Variants in CDH20 observed in about 807,000 individuals in gnomAD.
CDH20 encodes cadherin-20.
A neutral mutation model predicts 74.2 loss-of-function variants in CDH20; 29 were observed. The ratio of observed to expected loss-of-function variants is 0.39; its 90% CI spans 0.29 to 0.53. CDH20 has a LOEUF of 0.53. CDH20 is among the 20% of genes least tolerant of loss of function. The probability of loss-of-function intolerance (pLI) is 0.69; values close to 1 mark genes in which losing one functional copy is unlikely to be tolerated. For synonymous variants in CDH20, 469 were observed against 405.4 expected (o/e 1.16, Z -1.88); for missense variants, 988 against 1,048.3 (o/e 0.94, Z 0.79).
chr18:61,471,050 A>ATAT (rs1180263604), intron 1 of CDH20, among the ~76,000 whole-genome samples: 1 of 152,186 alleles, frequency 6.6e-6, no homozygotes, highest in Non-Finnish European at 1.5e-5. Context: ...TGAAAGAAAT[A>ATAT]TATTATATTA....
chr18:61,345,219 T>A (rs772422074), intron 1 of CDH20, among the ~76,000 whole-genome samples: 6 of 152,232 alleles, frequency 3.9e-5, no homozygotes, highest in Non-Finnish European at 7.3e-5. Flanking sequence ...TCACATGCAC[T>A]TAAACGTTTA....
intron 11 of CDH20, among the ~76,000 whole-genome samples, chr18:61,552,317 A>G (rs1251304310): frequency 6.6e-6 from 1 of 151,882 alleles, no homozygotes. Flanking sequence ...GCTGAATAAG[A>G]CCATTTTCCT....
chr18:61,376,614 A>G (rs1398014612), intron 1 of CDH20, among the ~76,000 whole-genome samples: 7 of 152,202 alleles, frequency 4.6e-5, no homozygotes, highest in Non-Finnish European at 8.8e-5. Flanking sequence ...GAAAATAAAA[A>G]GAGAAAATAA....
At chr18:61,340,226 C>CTTTTTTTTTTTT (rs59628153) in intron 1 of CDH20, among the ~76,000 whole-genome samples, 4,903 of 119,668 alleles carry the variant, frequency 0.041, 337 homozygotes, top group African/African-American at 0.12. Flanking sequence ...CTTCAGCCTT[C>CTTTTTTTTTTTT]TTTTTTTTTT....
chr18:61,489,967 T>C (rs949674471), intron 1 of CDH20, among the ~76,000 whole-genome samples: 11 of 152,198 alleles, frequency 7.2e-5, no homozygotes, highest in Admixed American at 5.2e-4. Flanking sequence ...TTTACTATTT[T>C]TTTAATAAGC....
At chr18:61,488,081 C>T (rs1321189722) in intron 1 of CDH20, among the ~76,000 whole-genome samples, 3 of 148,796 alleles carry the variant, frequency 2.0e-5, no homozygotes, top group Non-Finnish European at 3.0e-5. Context: ...TACGTACATA[C>T]ATATATATAT....
intron 1 of CDH20, among the ~76,000 whole-genome samples, chr18:61,481,772 T>C (rs1910597099): frequency 6.6e-6 from 1 of 152,138 alleles, no homozygotes; most frequent in Admixed American, 6.5e-5. Flanking sequence ...GGTCTTGAAT[T>C]CCTAGCCTCA....
intron 6 of CDH20, among the ~76,000 whole-genome samples, chr18:61,517,710 GTT>G (rs150258036): frequency 1.0e-3 from 29 of 28,012 alleles, no homozygotes; most frequent in East Asian, 2.3e-3. Flanking sequence ...TGTTGTTGTT[GTT>G]TTGTTTTGTT....
chr18:61,489,066 G>A (rs761701611), intron 1 of CDH20, among the ~76,000 whole-genome samples: 39 of 152,242 alleles, frequency 2.6e-4, no homozygotes, highest in Admixed American at 5.9e-4. Flanking sequence ...GAGCTCATAA[G>A]AGGCACAGCC....
chr18:61,348,388 C>T (rs1250103506), intron 1 of CDH20, among the ~76,000 whole-genome samples: 2 of 152,180 alleles, frequency 1.3e-5, no homozygotes, highest in Non-Finnish European at 1.5e-5. Flanking sequence ...TATTAAATTA[C>T]ACTTGTGCAC....
chr18:61,519,227 A>G (rs933285723), intron 6 of CDH20, among the ~76,000 whole-genome samples: 3 of 151,324 alleles, frequency 2.0e-5, no homozygotes, highest in Non-Finnish European at 2.9e-5. Context: ...AACTTCCCCA[A>G]CCTAGCAAGA....
chr18:61,385,037 A>G (rs1445223938), intron 1 of CDH20, among the ~76,000 whole-genome samples: 1 of 152,188 alleles, frequency 6.6e-6, no homozygotes, highest in Non-Finnish European at 1.5e-5. Flanking sequence ...ATAACATCAC[A>G]GACTCCATTT....
intron 1 of CDH20, among the ~76,000 whole-genome samples, chr18:61,482,952 C>T (rs1910637880): frequency 6.6e-6 from 1 of 152,180 alleles, no homozygotes; most frequent in Admixed American, 6.5e-5. Context: ...CTAAAGTGAC[C>T]CTATTCTCTA....
In CDH20 at chr18:61,554,844, T is replaced by C. The variant is rs1426792007; in HGVS notation, c.*149T>C. On this transcript the variant is annotated 3_prime_UTR_variant, in exon 12 of 12. Transcript: ENST00000262717. ...AACAGAGCTCTCTCTGGATCAGCTT[T>C]ACTTGGGTAGATTAAGTTAAATAAG... is the stretch of plus-strand genomic sequence containing the variant. The C allele has an allele frequency of 3.9e-5, 55 of 1,416,342 alleles. No individual in the cohort carries two copies. Among genetic ancestry groups the C allele is most frequent in the Non-Finnish European group, 4.7e-5 (51 of 1,088,428 alleles). The allele number at this position is 1,416,342 out of a possible 1,614,324, so 87.7% of individuals were successfully genotyped here. A position where few individuals can be genotyped will look rare whatever the true frequency, so the allele number is the denominator to read the frequency against.
chr18:61,544,999 C>A (rs1913186342), intron 9 of CDH20, 28 bp from the exon 10 acceptor site: 1 of 1,491,838 alleles, frequency 6.7e-7, no homozygotes, highest in South Asian at 1.1e-5. Flanking sequence ...TTGGCTCCAA[C>A]TCACCTGATT....
chr18:61,416,515 C>G (rs1011941568), intron 1 of CDH20, among the ~76,000 whole-genome samples: 5 of 152,200 alleles, frequency 3.3e-5, no homozygotes, highest in African/African-American at 1.2e-4. Flanking sequence ...CTTTTCTGCT[C>G]TGTCATTCTC....
intron 11 of CDH20, among the ~76,000 whole-genome samples, chr18:61,551,742 T>A (rs61635272): frequency 0.01 from 1,590 of 152,278 alleles, 13 homozygotes; most frequent in South Asian, 0.037. Context: ...GGATGACCTG[T>A]AAGAGGCCTT....
intron 1 of CDH20, among the ~76,000 whole-genome samples, chr18:61,462,734 G>T (rs56165136): frequency 3.6e-5 from 5 of 138,582 alleles, no homozygotes; most frequent in Admixed American, 7.2e-5. Context: ...AGGGGGGGGG[G>T]GCATCTAGGG....
chr18:61,496,049 CT>C (rs1911129490), intron 2 of CDH20, among the ~76,000 whole-genome samples: 2 of 35,682 alleles, frequency 5.6e-5, no homozygotes, highest in Non-Finnish European at 1.3e-4. Context: ...CTCCCTTCCT[CT>C]CCCCCCTCTC....
Sources: gnomAD v4.1 joint callset for allele counts (sites outside exome capture counted in the v4.1 genomes callset) on GRCh38, gnomAD v4.1.1 for gene constraint, MANE v1.5 for transcripts, NCBI Gene and HGNC (gene_info 2026-07-23, HGNC 2026-07-21) for gene names.